Variants in PLXNA2 observed in about 807,000 individuals in gnomAD.
The protein encoded by PLXNA2 is plexin-A2.
PLXNA2 carries 91 observed loss-of-function variants against 193.5 expected under a neutral mutation model. That is an observed-to-expected ratio of 0.47 (90% CI 0.40 to 0.56). The LOEUF (loss-of-function observed/expected upper bound fraction) is 0.56. PLXNA2 is among the 20% of genes least tolerant of loss of function. The pLI, the probability that PLXNA2 is intolerant of heterozygous loss-of-function variation, is 0.00. For missense variants in PLXNA2, 1,995 were observed against 2,503.2 expected (o/e 0.80, Z 4.33); for synonymous variants, 997 against 1,027.3 (o/e 0.97, Z 0.56).
rs758975457 is a variant in PLXNA2 at position 208,038,395 on chromosome 1, C to A, written c.4740G>T (p.Arg1580=). The A allele has an allele frequency of 3.7e-6, 6 of 1,613,418 alleles. No homozygotes were observed. The highest frequency in any genetic ancestry group is 5.1e-6 in the Non-Finnish European group (6 of 1,179,454). Reference sequence around the variant, plus strand: ...CCTGATAATGCATCAGTGTGTTGAGCCGCTTCCAGTCACCCTCAATCTTGG... The same window carrying A: ...CCTGATAATGCATCAGTGTGTTGAGACGCTTCCAGTCACCCTCAATCTTGG... ...ITTKIEGDWK[R]LNTLMHYQVS... The change falls in exon 26 of 32, where the codon CGG becomes CGT. Residue 1580 remains arginine (R), a synonymous_variant. Transcript: ENST00000367033. The surrounding 1 kb of genome is among the most constrained non-coding windows in gnomAD (Gnocchi z 4.1).
intron 12 of PLXNA2, among the ~76,000 whole-genome samples, chr1:208,075,036 C>A (rs1340317871): frequency 1.3e-5 from 2 of 152,198 alleles, no homozygotes; most frequent in African/African-American, 2.4e-5. Context: ...GTTGGCCGGG[C>A]ATGGTGGCTC....
At chr1:208,189,801 TC>T (rs768476771) in intron 3 of PLXNA2, among the ~76,000 whole-genome samples, 1 of 152,058 alleles carries the variant, frequency 6.6e-6, no homozygotes, top group Non-Finnish European at 1.5e-5. Flanking sequence ...CACACACAGC[TC>T]CTGTCCAACA....
chr1:208,033,929 G>A (rs569596204), intron 27 of PLXNA2, among the ~76,000 whole-genome samples: 151 of 152,336 alleles, frequency 9.9e-4, no homozygotes, highest in African/African-American at 1.7e-3. Context: ...CCTGGGGTAT[G>A]GGATTTCCTG....
chr1:208,235,272 G>A (rs1208458675), intron 1 of PLXNA2, among the ~76,000 whole-genome samples: 4 of 152,126 alleles, frequency 2.6e-5, no homozygotes, highest in Non-Finnish European at 5.9e-5. Flanking sequence ...TTATTCTTTA[G>A]CATAGAGATT....
At chr1:208,078,226 A>C (rs1666222416) in intron 12 of PLXNA2, among the ~76,000 whole-genome samples, 1 of 152,194 alleles carries the variant, frequency 6.6e-6, no homozygotes, top group African/African-American at 2.4e-5. Flanking sequence ...TACTCACATT[A>C]AATAAATAAT....
Position 208,217,866 on chromosome 1 carries a change from G to T in PLXNA2, c.57C>A (p.Val19=). 6.2e-7 allele frequency: 1 copy of T among 1,613,534 alleles called. No individual in the cohort carries two copies. The highest frequency in any genetic ancestry group is 8.5e-7 in the Non-Finnish European group (1 of 1,180,022). The change falls in exon 2 of 32, where the codon GTC becomes GTA. Residue 19 remains valine, a synonymous_variant. Coordinates refer to ENST00000367033, the MANE Select transcript of PLXNA2 (RefSeq NM_025179.4). This position sits in a 1 kb window ranked among gnomAD's most constrained non-coding sequence, Gnocchi z 4.7. ...RALEVDSRSV[V]LLSVVWVLLA... is the part of the protein sequence containing the mutation. ...GCAGCACCCAGACCACTGAGAGCAG[G>T]ACCACAGAGCGGCTGTCCACCTCCA...
intron 2 of PLXNA2, among the ~76,000 whole-genome samples, chr1:208,210,757 T>C (rs1297832224): frequency 6.6e-6 from 1 of 152,220 alleles, no homozygotes; most frequent in Non-Finnish European, 1.5e-5. Context: ...TAAAGCTAAG[T>C]GCCTGAACTC....
At chr1:208,154,478 A>G (rs1276504735) in intron 3 of PLXNA2, among the ~76,000 whole-genome samples, 1 of 152,180 alleles carries the variant, frequency 6.6e-6, no homozygotes, top group Non-Finnish European at 1.5e-5. Flanking sequence ...GGACAGCCAC[A>G]TCATCGCACC....
chr1:208,134,893 A>T (rs1044130899), intron 4 of PLXNA2, among the ~76,000 whole-genome samples: 16 of 152,186 alleles, frequency 1.1e-4, no homozygotes, highest in African/African-American at 3.4e-4. Flanking sequence ...TAGGTGCCTT[A>T]GGGACTTAAC....
chr1:208,102,400 C>T (rs1667126297), intron 5 of PLXNA2, among the ~76,000 whole-genome samples: 1 of 152,258 alleles, frequency 6.6e-6, no homozygotes, highest in African/African-American at 2.4e-5. Flanking sequence ...TTCACCCTTT[C>T]TCTTCCCCTG....
rs900983902 is a variant in PLXNA2, at chr1:208,217,948, C to T, written c.-26G>A. The T allele has an allele frequency of 6.9e-6, 11 of 1,600,456 alleles. No individual in the cohort carries two copies. The highest frequency in any genetic ancestry group is 1.7e-5 in the Admixed American group (1 of 59,610). On this transcript the variant is annotated 5_prime_UTR_variant, in exon 2 of 32. Coordinates refer to ENST00000367033, the MANE Select transcript of PLXNA2 (RefSeq NM_025179.4). This position sits in a 1 kb window ranked among gnomAD's most constrained non-coding sequence, Gnocchi z 4.7. ...GCTGAGAGGGGCGGCGGTGAGGAGA[C>T]GGCTCCTGTGTGTGCTCATCTGCTC...
intron 4 of PLXNA2, among the ~76,000 whole-genome samples, chr1:208,128,699 T>G (rs3991421): frequency 1.8e-3 from 69 of 38,938 alleles, no homozygotes; most frequent in African/African-American, 7.1e-3. Context: ...TTCTTTCTTT[T>G]TTTTTTTTTT....
chr1:208,207,954 GC>G (rs1670789698), intron 3 of PLXNA2, among the ~76,000 whole-genome samples: 1 of 152,228 alleles, frequency 6.6e-6, no homozygotes, highest in African/African-American at 2.4e-5. Context: ...GGGTAACCAC[GC>G]CCCCAGCTTT....
chr1:208,069,594 G>C (rs1665915164), intron 12 of PLXNA2, among the ~76,000 whole-genome samples: 1 of 152,102 alleles, frequency 6.6e-6, no homozygotes. Context: ...TTGGCAGCCT[G>C]GGGAGTGAGT....
intron 3 of PLXNA2, among the ~76,000 whole-genome samples, chr1:208,162,306 A>C (rs1465562897): frequency 1.3e-5 from 2 of 152,220 alleles, no homozygotes; most frequent in Non-Finnish European, 2.9e-5. Flanking sequence ...TTCTCCAAAG[A>C]GGAGGTAGAA....
chr1:208,199,589 G>GC (rs1670472954), intron 3 of PLXNA2, among the ~76,000 whole-genome samples: 1 of 152,004 alleles, frequency 6.6e-6, no homozygotes, highest in Admixed American at 6.6e-5. Flanking sequence ...TACTTGGGAA[G>GC]CTGAGGCAGG....
intron 3 of PLXNA2, among the ~76,000 whole-genome samples, chr1:208,164,932 G>A (rs1436887959): frequency 6.6e-6 from 1 of 152,262 alleles, no homozygotes; most frequent in Non-Finnish European, 1.5e-5. Flanking sequence ...AGAGGCTTAG[G>A]TGGGGGCCTT....
chr1:208,094,029 G>T (rs927436022), intron 8 of PLXNA2, among the ~76,000 whole-genome samples: 1 of 152,130 alleles, frequency 6.6e-6, no homozygotes, highest in Non-Finnish European at 1.5e-5. Flanking sequence ...ATGTTGGGTT[G>T]GTTAGCCCAT....
In PLXNA2 at chr1:208,244,214, G is replaced by T. The variant is rs1672157379; in HGVS notation, c.-652C>A. 6.1e-6 allele frequency: 1 copy of T among 163,992 alleles called. No homozygotes were observed. Among genetic ancestry groups the T allele is most frequent in the Non-Finnish European group, 1.3e-5 (1 of 76,738 alleles). The allele number at this position is 163,992 out of a possible 1,614,324, so 10.2% of individuals were successfully genotyped here. ...TCTCTCCGGATCGCTCGCCCTCTCG[G>T]CTGAAAAATTCCCAGCAACTGCCCT... is the stretch of plus-strand genomic sequence containing the variant. On this transcript the variant is annotated 5_prime_UTR_variant, in exon 1 of 32. Coordinates refer to ENST00000367033, the MANE Select transcript of PLXNA2 (RefSeq NM_025179.4).
Sources: allele counts gnomAD v4.1 joint callset (sites outside exome capture counted in the v4.1 genomes callset), GRCh38; gene constraint gnomAD v4.1.1; non-coding constraint Gnocchi (gnomAD v3.1); transcripts MANE v1.5; gene names NCBI Gene and HGNC (gene_info 2026-07-23, HGNC 2026-07-21).